FRMD3: variants seen among roughly 807,000 people sequenced by gnomAD.
FRMD3 encodes FERM domain containing 3, also known as FERM domain-containing protein 3.
FRMD3 carries 33 observed loss-of-function variants against 70.2 expected under a neutral mutation model. The ratio of observed to expected loss-of-function variants is 0.47; its 90% CI spans 0.36 to 0.63. The LOEUF is 0.63. Ranked by LOEUF, FRMD3 falls within the 20% of genes least tolerant of loss-of-function variation. The probability of loss-of-function intolerance (pLI) is 0.00; values close to 1 mark genes in which losing one functional copy is unlikely to be tolerated. For missense variants in FRMD3, 632 were observed against 711.4 expected, an observed-to-expected ratio of 0.89 and a Z score of 1.27; for synonymous variants, 279 against 255.9, an observed-to-expected ratio of 1.09 and a Z score of -0.86.
At chr9:83,565,631 T>C in the FRMD3 span, among the ~76,000 whole-genome samples, 2 of 152,190 alleles carry the variant, frequency 1.3e-5, no homozygotes. Context: ...ACTGTCCCAG[T>C]CCCATTTCTT....
chr9:83,480,293 G>T (rs1828536491), intron 1 of FRMD3, among the ~76,000 whole-genome samples: 1 of 152,046 alleles, frequency 6.6e-6, no homozygotes, highest in African/African-American at 2.4e-5. Flanking sequence ...GCAGCATTGT[G>T]ACTGAATTGT....
intron 6 of FRMD3, among the ~76,000 whole-genome samples, chr9:83,326,383 A>C (rs1463185081): frequency 6.6e-6 from 1 of 152,208 alleles, no homozygotes; most frequent in East Asian, 1.9e-4. Flanking sequence ...CTTTAAAATA[A>C]TTCTCAAGTA....
At chr9:83,364,927 A>G (rs1824740380) in intron 3 of FRMD3, among the ~76,000 whole-genome samples, 1 of 152,198 alleles carries the variant, frequency 6.6e-6, no homozygotes, top group Non-Finnish European at 1.5e-5. Context: ...ACCATAGCCC[A>G]TATTCTATAA....
intron 10 of FRMD3, among the ~76,000 whole-genome samples, chr9:83,303,757 G>T (rs1400382997): frequency 6.6e-6 from 1 of 152,090 alleles, no homozygotes; most frequent in Non-Finnish European, 1.5e-5. Flanking sequence ...TGTACACTTT[G>T]GTGGGTTTTA....
intron 6 of FRMD3, among the ~76,000 whole-genome samples, chr9:83,322,501 C>T (rs1308558855): frequency 6.6e-6 from 1 of 152,170 alleles, no homozygotes; most frequent in African/African-American, 2.4e-5. Context: ...CTCCTTGCAG[C>T]AGCTCTGCAG....
chr9:83,499,248 G>A (rs565693791), intron 1 of FRMD3, among the ~76,000 whole-genome samples: 1 of 152,268 alleles, frequency 6.6e-6, no homozygotes, highest in African/African-American at 2.4e-5. Context: ...CAGATCAGCT[G>A]CAATCTCACC....
chr9:83,415,893 A>C (rs1826426976), intron 1 of FRMD3, among the ~76,000 whole-genome samples: 1 of 152,160 alleles, frequency 6.6e-6, no homozygotes, highest in East Asian at 1.9e-4. Flanking sequence ...TTTGTTTTCT[A>C]TTGATTGGAC....
At chr9:83,532,565 G>A (rs953701261) in intron 1 of FRMD3, among the ~76,000 whole-genome samples, 5 of 152,026 alleles carry the variant, frequency 3.3e-5, no homozygotes, top group Non-Finnish European at 5.9e-5. Flanking sequence ...CTAATTTGAC[G>A]TATTCTGAAA....
chr9:83,388,812 T>C (rs955288889), intron 2 of FRMD3, among the ~76,000 whole-genome samples: 1 of 152,168 alleles, frequency 6.6e-6, no homozygotes, highest in East Asian at 1.9e-4. Context: ...CATAACGAAA[T>C]TAACCACTTT....
At chr9:83,381,600 T>G (rs1825357780) in intron 2 of FRMD3, among the ~76,000 whole-genome samples, 1 of 151,912 alleles carries the variant, frequency 6.6e-6, no homozygotes, top group Non-Finnish European at 1.5e-5. Flanking sequence ...TTCACTGTAG[T>G]GTTTTCCACT....
At position 83,343,221 on chromosome 9, in the gene FRMD3, A is replaced by C. The variant is rs747720200; in HGVS notation, c.441T>G (p.Asp147Glu). ...FHGRLLCSFSDAAYLGACIVQ... is the reference protein window; with the variant it reads ...FHGRLLCSFSEAAYLGACIVQ... ...CAATACAGGCACCCAGGTAGGCAGCATCAGAAAAGGAGCACAGCAGGCGGC... is the reference window on the plus strand; with the variant it reads ...CAATACAGGCACCCAGGTAGGCAGCCTCAGAAAAGGAGCACAGCAGGCGGC... The change falls in exon 5 of 14, where the codon GAT (aspartate) becomes GAG (glutamate). Residue 147 changes from aspartate (D) to glutamate (E), a missense_variant. Around this residue, in one of 3 missense-constraint regions of FRMD3, gnomAD observed 208 missense variants for 247.7 expected, o/e 0.84. Transcript: ENST00000304195. 1 of 1,614,056 alleles carries C rather than the reference A, an allele frequency of 6.2e-7. No individual in the cohort carries two copies. Among genetic ancestry groups the C allele is most frequent in the South Asian group, 1.1e-5 (1 of 91,080 alleles).
chr9:83,462,629 A>C (rs775022510), intron 1 of FRMD3, among the ~76,000 whole-genome samples: 11 of 152,238 alleles, frequency 7.2e-5, no homozygotes, highest in Admixed American at 3.9e-4. Context: ...TCCCCTCTGC[A>C]TCTCAAAGGC....
At chr9:83,361,845 G>A (rs969771065) in intron 3 of FRMD3, among the ~76,000 whole-genome samples, 1 of 152,118 alleles carries the variant, frequency 6.6e-6, no homozygotes, top group Admixed American at 6.5e-5. Context: ...GTGGAGTGAG[G>A]CAGCTACAAG....
intron 1 of FRMD3, among the ~76,000 whole-genome samples, chr9:83,517,494 CAAA>C (rs59178344): frequency 0.053 from 3,515 of 65,774 alleles, 28 homozygotes; most frequent in East Asian, 0.093. Context: ...CCTACCAATC[CAAA>C]AAAAAAAAAA....
At chr9:83,392,270 G>A (rs1417247734) in intron 1 of FRMD3, among the ~76,000 whole-genome samples, 4 of 152,074 alleles carry the variant, frequency 2.6e-5, no homozygotes, top group African/African-American at 9.7e-5. Context: ...ATGTCTCACT[G>A]CTTGGTGCCA....
chr9:83,472,322 G>A (rs949246228), intron 1 of FRMD3, among the ~76,000 whole-genome samples: 1 of 152,170 alleles, frequency 6.6e-6, no homozygotes, highest in African/African-American at 2.4e-5. Flanking sequence ...CATTTCTCAA[G>A]CATAATTCTT....
intron 10 of FRMD3, among the ~76,000 whole-genome samples, chr9:83,305,533 ATTACAC>A (rs1564005769): frequency 6.6e-6 from 1 of 152,188 alleles, no homozygotes; most frequent in Non-Finnish European, 1.5e-5. Context: ...GCTCACACTC[ATTACAC>A]TATGCCCCAG....
chr9:83,526,877 CTT>C (rs5898832), intron 1 of FRMD3, among the ~76,000 whole-genome samples: 25 of 142,660 alleles, frequency 1.8e-4, no homozygotes, highest in East Asian at 6.1e-4. Flanking sequence ...GAATAAGCTT[CTT>C]TTTTTTTTTT....
chr9:83,454,123 C>T (rs1176835225), intron 1 of FRMD3, among the ~76,000 whole-genome samples: 2 of 152,160 alleles, frequency 1.3e-5, no homozygotes, highest in Non-Finnish European at 2.9e-5. Flanking sequence ...GGTGGGGTAA[C>T]TAACAATAAT....
Sources: gnomAD v4.1 joint callset for allele counts (sites outside exome capture counted in the v4.1 genomes callset) on GRCh38, gnomAD v4.1.1 for gene constraint, gnomAD v4.1.1 regional missense constraint, MANE v1.5 for transcripts, NCBI Gene and HGNC (gene_info 2026-07-23, HGNC 2026-07-21) for gene names.